Variants in C2orf92 observed in about 807,000 individuals in gnomAD.
C2orf92 encodes chromosome 2 open reading frame 92.
At chr2:97,690,782 T>G (rs575118488) in intron 5 of C2orf92, among the ~76,000 whole-genome samples, 76 of 147,244 alleles carry the variant, frequency 5.2e-4, no homozygotes, top group South Asian at 3.7e-3. Flanking sequence ...GTTTTTTTTT[T>G]TTTGTTTTTT....
chr2:97,677,144 C>T (rs186487942), intron 3 of C2orf92, among the ~76,000 whole-genome samples: 54 of 152,286 alleles, frequency 3.5e-4, no homozygotes, highest in Admixed American at 2.7e-3. Flanking sequence ...AGCCCTGTGA[C>T]GGGCAGCAGT....
chr2:97,700,737 T>TG (rs1025649362), intron 6 of C2orf92, among the ~76,000 whole-genome samples: 1 of 151,584 alleles, frequency 6.6e-6, no homozygotes, highest in Non-Finnish European at 1.5e-5. Flanking sequence ...TTTGTTTTTT[T>TG]TTTTGAGATG....
intron 1 of C2orf92, among the ~76,000 whole-genome samples, chr2:97,673,693 G>A (rs918514095): frequency 6.6e-6 from 1 of 152,100 alleles, no homozygotes; most frequent in Non-Finnish European, 1.5e-5. Context: ...ATGTCTGGTT[G>A]TATCTGTATA....
rs928484034 is a variant in C2orf92 at position 97,699,069 on chromosome 2, C to T, written c.447C>T (p.Phe149=). 5 of 398,296 alleles carry T rather than the reference C, an allele frequency of 1.3e-5. No homozygotes were observed. The highest frequency in any genetic ancestry group is 2.1e-5 in the African/African-American group (1 of 48,554). 24.7% of individuals were successfully genotyped at this position (398,296 alleles called of 1,614,324 possible). Residue 149 remains phenylalanine (F), a synonymous_variant, in exon 6 of 8, where the codon TTC becomes TTT. Coordinates refer to ENST00000627399, the MANE Select transcript of C2orf92 (RefSeq NM_001351368.2). ...AGAATTTTAAAGAATCCTGTCTGTT[C>T]GACAGGGATTTAAGAGAGCAGTTAA... ...EEKNFKESCL[F]DRDLREQLTT...
At chr2:97,696,188 G>A (rs920417872) in intron 5 of C2orf92, among the ~76,000 whole-genome samples, 2 of 152,180 alleles carry the variant, frequency 1.3e-5, no homozygotes, top group East Asian at 1.9e-4. Context: ...AAGTGCTTAC[G>A]TTGTAATCGC....
At chr2:97,700,021 A>G (rs1023917552) in intron 6 of C2orf92, among the ~76,000 whole-genome samples, 1 of 151,980 alleles carries the variant, frequency 6.6e-6, no homozygotes. Context: ...TCCACACGAA[A>G]CCAGCCGATA....
At chr2:97,690,429 G>A (rs1676091497) in intron 5 of C2orf92, 102 bp downstream of exon 5, 1 of 381,444 alleles carries the variant, frequency 2.6e-6, no homozygotes, top group Non-Finnish European at 4.6e-6. Flanking sequence ...TGCCCAGGCT[G>A]GAGTACAGCG....
At chr2:97,696,049 C>T (rs1011064421) in intron 5 of C2orf92, among the ~76,000 whole-genome samples, 2 of 152,234 alleles carry the variant, frequency 1.3e-5, no homozygotes, top group Non-Finnish European at 2.9e-5. Flanking sequence ...CAGTGGGAAG[C>T]ACTGTGCTGG....
chr2:97,674,352 A>G (rs929138193), intron 1 of C2orf92, 104 bp from the exon 2 acceptor site: 7 of 396,868 alleles, frequency 1.8e-5, no homozygotes, highest in African/African-American at 1.2e-4. Flanking sequence ...ATGATGTCCA[A>G]TATCCATTGA....
In C2orf92 at chr2:97,680,160, G is replaced by A. The variant is rs192859172; in HGVS notation, c.232+4232G>A. ...ACTAAAACACAAAAATTAGCTGAGCGTGATGGTGCATGCCTGTAATCCCAG... is the reference window on the plus strand; with the variant it reads ...ACTAAAACACAAAAATTAGCTGAGCATGATGGTGCATGCCTGTAATCCCAG... On this transcript the variant is annotated intron_variant, in intron 3 of 7. Coordinates refer to ENST00000627399, the MANE Select transcript of C2orf92 (RefSeq NM_001351368.2). Among the ~76,000 whole-genome samples the A allele has an allele frequency of 4.1e-4, 62 of 151,964 alleles. No individual in the cohort carries two copies. The Middle Eastern group carries it at 0.01, about 25-fold the overall frequency.
upstream of C2orf92, among the ~76,000 whole-genome samples, chr2:97,667,518 C>T (rs1390614263): frequency 6.6e-6 from 1 of 151,064 alleles, no homozygotes; most frequent in Admixed American, 6.6e-5. Context: ...CTGCAAGCTC[C>T]GCCTCCCGGG....
At chr2:97,698,839 A>AT (rs979939561) in intron 5 of C2orf92, among the ~76,000 whole-genome samples, 187 bp from the exon 6 acceptor site, 1 of 152,196 alleles carries the variant, frequency 6.6e-6, no homozygotes, top group Non-Finnish European at 1.5e-5. Flanking sequence ...AATTTGTTAG[A>AT]TTTTTTAAAA....
upstream of C2orf92, chr2:97,665,749 A>C (rs1208388358): frequency 0.01 from 571 of 55,500 alleles, 1 homozygote; most frequent in Non-Finnish European, 0.018. Context: ...ATATATATAT[A>C]TATATATATA....
chr2:97,685,434 T>A (rs1675927157), intron 3 of C2orf92, among the ~76,000 whole-genome samples: 1 of 150,968 alleles, frequency 6.6e-6, no homozygotes, highest in Non-Finnish European at 1.5e-5. Flanking sequence ...GCCGGCTAAT[T>A]TTTTGTATTT....
chr2:97,681,429 CTT>C lies in C2orf92; in HGVS notation c.232+5502_232+5503del, dbSNP rs1253911240. Reference sequence around the variant, plus strand: ...ACACATGGAGATTAAGCAACACACTCTTAAATAATCAATGGGTCAAAGAAGAA... The same window carrying C: ...ACACATGGAGATTAAGCAACACACTCAAATAATCAATGGGTCAAAGAAGAA... On this transcript the variant is annotated intron_variant, in intron 3 of 7. Transcript: ENST00000627399. Among the ~76,000 whole-genome samples the C allele has an allele frequency of 3.3e-5, 5 of 152,278 alleles. No individual in the cohort carries two copies. The South Asian group carries it at 8.3e-4, about 25-fold the overall frequency.
At chr2:97,676,719 C>A (rs914430311) in intron 3 of C2orf92, among the ~76,000 whole-genome samples, 3 of 151,932 alleles carry the variant, frequency 2.0e-5, no homozygotes, top group Non-Finnish European at 2.9e-5. Context: ...CTGCCATGAG[C>A]TATGATTGTG....
At chr2:97,697,099 G>A (rs991936063) in intron 5 of C2orf92, among the ~76,000 whole-genome samples, 18 of 152,184 alleles carry the variant, frequency 1.2e-4, no homozygotes, top group Non-Finnish European at 1.3e-4. Context: ...AGCTTGGGTT[G>A]AGCCTACACC....
upstream of C2orf92, chr2:97,664,200 T>G (rs1675126386): frequency 1.1e-5 from 2 of 177,492 alleles, no homozygotes; most frequent in Non-Finnish European, 2.4e-5. Context: ...CAAGGTAGGC[T>G]GCGCAGTGTC....
intron 6 of C2orf92, among the ~76,000 whole-genome samples, chr2:97,699,407 C>A (rs1257674188): frequency 6.6e-6 from 1 of 152,050 alleles, no homozygotes; most frequent in Non-Finnish European, 1.5e-5. Context: ...ACTACCCTGG[C>A]CAACATGGTA....
Sources: gnomAD v4.1 joint callset for allele counts (sites outside exome capture counted in the v4.1 genomes callset) on GRCh38, gnomAD v4.1.1 for gene constraint, MANE v1.5 for transcripts, NCBI Gene and HGNC (gene_info 2026-07-23, HGNC 2026-07-21) for gene names.